SLC6A20: variants seen among roughly 807,000 people sequenced by gnomAD.
SLC6A20 encodes sodium- and chloride-dependent transporter XTRP3.
SLC6A20 carries 73 observed loss-of-function variants against 64.3 expected under a neutral mutation model. The observed-to-expected ratio is 1.14, with a 90% CI of 0.94 to 1.38. SLC6A20 has a LOEUF of 1.38. SLC6A20 is among the 40% of genes most tolerant of loss of function. SLC6A20 has a pLI of 0.00. For synonymous variants in SLC6A20, 347 were observed against 329.6 expected (o/e 1.05, Z -0.57); for missense variants, 725 against 772.8 (o/e 0.94, Z 0.73).
rs1407934745 is a variant in SLC6A20 at position 45,765,349 on chromosome 3, A to G, written c.1303+188T>C. On this transcript the variant is annotated intron_variant, in intron 8 of 10. Coordinates refer to ENST00000358525, the MANE Select transcript of SLC6A20 (RefSeq NM_020208.4). This position sits in a 1 kb window ranked among gnomAD's most constrained non-coding sequence, Gnocchi z 4.2. ...ACTTCCCTGTGATGTGGAGAATGGA[A>G]CGCACAGGGTGAATCACATGGCCCA... 1.3e-5 allele frequency among the ~76,000 whole-genome samples: 2 copies of G among 152,146 alleles called. No individual in the cohort carries two copies. The highest frequency in any genetic ancestry group is 4.8e-5 in the African/African-American group (2 of 41,422).
In SLC6A20 at chr3:45,758,335, T is replaced by C. The variant is rs962104901; in HGVS notation, c.*643A>G. The C allele has an allele frequency of 1.3e-5, 12 of 959,996 alleles. No homozygotes were observed. Among genetic ancestry groups the C allele is most frequent in the South Asian group, 1.4e-5 (1 of 70,990 alleles). The allele number at this position is 959,996 out of a possible 1,614,324, so 59.5% of individuals were successfully genotyped here. Reference sequence around the variant, plus strand: ...TAATGTGGTTTGGGGTTGCAAACTGTAGTTGGGGCAATTTTTTGTAGAGAG... The same window carrying C: ...TAATGTGGTTTGGGGTTGCAAACTGCAGTTGGGGCAATTTTTTGTAGAGAG... On this transcript the variant is annotated 3_prime_UTR_variant, in exon 11 of 11. Transcript: ENST00000358525.
intron 1 of SLC6A20, among the ~76,000 whole-genome samples, chr3:45,785,285 G>C (rs1365177598): frequency 6.6e-6 from 1 of 152,204 alleles, no homozygotes; most frequent in African/African-American, 2.4e-5. Context: ...GCAAAGTATT[G>C]ATCCTGGGTG....
chr3:45,759,854 T>A lies in SLC6A20; in HGVS notation c.1629+3A>T, dbSNP rs1003177348. On this transcript the variant is annotated splice_donor_region_variant and intron_variant, in intron 10 of 10. Coordinates refer to ENST00000358525, the MANE Select transcript of SLC6A20 (RefSeq NM_020208.4). ...GCGCCAGCCCTACGGAGACAGTAGA[T>A]ACCTGGGAGGCGTCCCAGGCTTGAT... 6.2e-7 allele frequency: 1 copy of A among 1,611,984 alleles called. No individual in the cohort carries two copies. The highest frequency in any genetic ancestry group is 8.5e-7 in the Non-Finnish European group (1 of 1,179,092).
rs71288017 is a variant in SLC6A20, at chr3:45,764,708, CA to C, written c.1303+828del. ...CAGAGTGAGACTGTTTCTTTAAAAA[CA>C]AAAAAAAAAAAAAAAGGAAAAAAAC... On this transcript the variant is annotated intron_variant, in intron 8 of 10. Transcript: ENST00000358525. 8.8e-3 allele frequency among the ~76,000 whole-genome samples: 949 copies of C among 107,246 alleles called. 6 individuals are homozygous for C. The highest frequency in any genetic ancestry group is 0.025 in the African/African-American group (691 of 28,130). 70.4% of individuals were successfully genotyped at this position (107,246 alleles called of 152,430 possible).
chr3:45,767,193 GA>G (rs931797902), intron 7 of SLC6A20, among the ~76,000 whole-genome samples: 1 of 152,096 alleles, frequency 6.6e-6, no homozygotes, highest in Admixed American at 6.6e-5. Flanking sequence ...ACAAAAAGTT[GA>G]TATACTTTTT....
chr3:45,796,448 G>T lies in SLC6A20; in HGVS notation c.-29C>A. 1 of 1,600,952 alleles carries T rather than the reference G, an allele frequency of 6.2e-7. No individual in the cohort carries two copies. Among genetic ancestry groups the T allele is most frequent in the South Asian group, 1.1e-5 (1 of 89,952 alleles). On this transcript the variant is annotated 5_prime_UTR_variant, in exon 1 of 11. Transcript: ENST00000358525. Reference sequence around the variant, plus strand: ...CCCGGCCTCGGCGCGCTCGGCTCCGGCTCGGGGGTCCGGCACGGCAGTCTC... The same window carrying T: ...CCCGGCCTCGGCGCGCTCGGCTCCGTCTCGGGGGTCCGGCACGGCAGTCTC...
At position 45,770,228 on chromosome 3, in the gene SLC6A20, A is replaced by T. The variant is rs1699837252; in HGVS notation, c.1079T>A (p.Leu360Ter). 6.2e-7 allele frequency: 1 copy of T among 1,614,214 alleles called. No homozygotes were observed. Among genetic ancestry groups the T allele is most frequent in the Non-Finnish European group, 8.5e-7 (1 of 1,180,032 alleles). ...TCTTACCGTGTCTAGCTCCGATTCC[A>T]AGCTGCAGTTTTTGATTTGCGGGAA... ...EMFPQIKNCSLESELDTAVQG... is the reference protein window; with the variant it reads ...EMFPQIKNCS The change falls in exon 7 of 11, where the codon TTG becomes TAG. Residue 360 changes from leucine (L) to a stop codon, truncating the protein, a stop_gained. Transcript: ENST00000358525. LOFTEE classifies it high-confidence loss of function.
At chr3:45,766,258 T>G (rs115897987) in intron 7 of SLC6A20, among the ~76,000 whole-genome samples, 2,552 of 152,314 alleles carry the variant, frequency 0.017, 27 homozygotes, top group Non-Finnish European at 0.029. Flanking sequence ...CTGGAACTCC[T>G]GCTTAAAGAC....
At chr3:45,781,940 G>C (rs1700091779) in intron 2 of SLC6A20, 143 bp downstream of exon 2, 1 of 1,167,600 alleles carries the variant, frequency 8.6e-7, no homozygotes. Flanking sequence ...TCCCCACCAG[G>C]CCATTTGTTC....
intron 4 of SLC6A20, among the ~76,000 whole-genome samples, chr3:45,774,331 T>G (rs1192205210): frequency 1.8e-4 from 28 of 152,280 alleles, no homozygotes; most frequent in Admixed American, 1.8e-3. Context: ...GTCTCTAATC[T>G]CTACCTCTGC....
At chr3:45,784,413 G>A (rs1447983155) in intron 1 of SLC6A20, among the ~76,000 whole-genome samples, 1 of 152,118 alleles carries the variant, frequency 6.6e-6, no homozygotes, top group African/African-American at 2.4e-5. Context: ...TAAGAATACA[G>A]GAGAAAACCT....
At position 45,773,406 on chromosome 3, in the gene SLC6A20, G is replaced by A. The variant is rs78355070; in HGVS notation, c.583-791C>T. Among the ~76,000 whole-genome samples the A allele has an allele frequency of 2.0e-4, 31 of 152,284 alleles. 1 individual carries two copies. The East Asian group carries it at 5.6e-3, about 28-fold the overall frequency. ...CGACATGCATCGTAAGTTCAATGAT[G>A]TTTTGTTAATATCTTTGGTGTTCAT... On this transcript the variant is annotated intron_variant, in intron 4 of 10. Coordinates refer to ENST00000358525, the MANE Select transcript of SLC6A20 (RefSeq NM_020208.4).
chr3:45,780,030 C>G lies in SLC6A20; in HGVS notation c.333G>C (p.Trp111Cys). The change falls in exon 3 of 11, where the codon TGG becomes TGC. Residue 111 changes from tryptophan (W) to cysteine (C), a missense_variant. By Grantham distance (215) the Trp-to-Cys change is radical. Transcript: ENST00000358525. Reference protein sequence around the residue: ...YYNVINAWAFWYLFHSFQDPL... With the variant: ...YYNVINAWAFCYLFHSFQDPL... ...TCACCTGGAAGGAGTGGAAGAGGTA[C>G]CAGAAGGCCCAGGCGTTGATGACGT... The G allele has an allele frequency of 3.7e-6, 6 of 1,604,294 alleles. No homozygotes were observed. Among genetic ancestry groups the G allele is most frequent in the Non-Finnish European group, 5.1e-6 (6 of 1,175,330 alleles).
At chr3:45,776,246 A>T (rs966241461) in intron 3 of SLC6A20, among the ~76,000 whole-genome samples, 1 of 151,740 alleles carries the variant, frequency 6.6e-6, no homozygotes, top group Non-Finnish European at 1.5e-5. Flanking sequence ...GGACTACTGA[A>T]CTCTGTGGTG....
chr3:45,765,604 C>T lies in SLC6A20; in HGVS notation c.1236G>A (p.Ala412=), dbSNP rs148597602. Residue 412 remains alanine, a synonymous_variant, in exon 8 of 11, where the codon GCG becomes GCA. Coordinates refer to ENST00000358525, the MANE Select transcript of SLC6A20 (RefSeq NM_020208.4). The surrounding 1 kb of genome is among the most constrained non-coding windows in gnomAD (Gnocchi z 4.2). ...TGTCTGTCAGAGGGGTGAGGATGGC[C>T]GCTGTGTTCCCCAGCATGCTCCCAA... ...LGIGSMLGNT[A]AILTPLTDSK... 1.7e-5 allele frequency: 27 copies of T among 1,613,986 alleles called. No individual in the cohort carries two copies. Among genetic ancestry groups the T allele is most frequent in the African/African-American group, 2.7e-5 (2 of 74,880 alleles).
At chr3:45,794,931 CA>C (rs1242501556) in intron 1 of SLC6A20, among the ~76,000 whole-genome samples, 1 of 152,130 alleles carries the variant, frequency 6.6e-6, no homozygotes, top group African/African-American at 2.4e-5. Context: ...AAAAAGGAAT[CA>C]GGAAATTAAG....
rs1699591459 is a variant in SLC6A20 at position 45,758,578 on chromosome 3, A to G, written c.*400T>C. 9.1e-7 allele frequency: 1 copy of G among 1,104,758 alleles called. No homozygotes were observed. Among genetic ancestry groups the G allele is most frequent in the Non-Finnish European group, 1.1e-6 (1 of 899,042 alleles). The allele number at this position is 1,104,758 out of a possible 1,614,324, so 68.4% of individuals were successfully genotyped here. A position where few individuals can be genotyped will look rare whatever the true frequency, so the allele number is the denominator to read the frequency against. ...AGGCACTTCAAAACTCCTTAAATGG[A>G]TCTAAAAATATTTGTCCTCTAATAT... On this transcript the variant is annotated 3_prime_UTR_variant, in exon 11 of 11. Coordinates refer to ENST00000358525, the MANE Select transcript of SLC6A20 (RefSeq NM_020208.4).
intron 2 of SLC6A20, among the ~76,000 whole-genome samples, chr3:45,781,393 G>C (rs189919969): frequency 7.7e-4 from 117 of 152,288 alleles, no homozygotes; most frequent in African/African-American, 2.7e-3. Context: ...CTTCCTTTCT[G>C]GGGTGGGAGG....
intron 1 of SLC6A20, chr3:45,791,807 A>T (rs1397490878): frequency 6.6e-6 from 1 of 152,272 alleles, no homozygotes; most frequent in Non-Finnish European, 1.5e-5. Flanking sequence ...ACTCACTATC[A>T]CGAGAACAGC....
Sources: gnomAD v4.1 joint callset for allele counts (sites outside exome capture counted in the v4.1 genomes callset) on GRCh38, gnomAD v4.1.1 for gene constraint, Gnocchi (gnomAD v3.1) non-coding constraint, MANE v1.5 for transcripts, NCBI Gene and HGNC (gene_info 2026-07-23, HGNC 2026-07-21) for gene names.